The following ATP2B2 variants were observed in gnomAD, a reference collection of about 807,000 sequenced individuals.
The protein encoded by ATP2B2 is plasma membrane calcium-transporting ATPase 2.
A neutral mutation model predicts 120.0 loss-of-function variants in ATP2B2; 15 were observed. The observed-to-expected ratio is 0.12, with a 90% CI of 0.08 to 0.19. ATP2B2 has a LOEUF of 0.19. Ranked by LOEUF, ATP2B2 falls within the 10% of genes least tolerant of loss-of-function variation. The probability of loss-of-function intolerance (pLI) is 1.00; values close to 1 mark genes in which losing one functional copy is unlikely to be tolerated. For missense variants in ATP2B2, 1,045 were observed against 1,719.8 expected (o/e 0.61, Z 6.94); for synonymous variants, 694 against 700.3 (o/e 0.99, Z 0.14).
intron 2 of ATP2B2, among the ~76,000 whole-genome samples, chr3:10,449,065 G>C (rs990857107): frequency 3.3e-5 from 5 of 152,172 alleles, no homozygotes; most frequent in Non-Finnish European, 7.3e-5. Context: ...CTCTGCGGCT[G>C]TGGGGCTCCT....
intron 1 of ATP2B2, among the ~76,000 whole-genome samples, chr3:10,661,429 A>T (rs1390480835): frequency 6.6e-6 from 1 of 152,204 alleles, no homozygotes; most frequent in East Asian, 1.9e-4. Flanking sequence ...ATGCGCAAAA[A>T]TCACAAGCAT....
In ATP2B2 at chr3:10,375,670, G is replaced by A; in HGVS notation, c.1202-26C>T. Reference sequence around the variant, plus strand: ...CTGCAATGTGAGGGACACATGCTTGGGGGGTTCCAGGAAGTGGAGGCTGGG... The same window carrying A: ...CTGCAATGTGAGGGACACATGCTTGAGGGGTTCCAGGAAGTGGAGGCTGGG... On this transcript the variant is annotated intron_variant, in intron 10 of 22. Coordinates refer to ENST00000360273, the MANE Select transcript of ATP2B2 (RefSeq NM_001001331.4). The surrounding 1 kb of genome is among the most constrained non-coding windows in gnomAD (Gnocchi z 4.2). 6.2e-7 allele frequency: 1 copy of A among 1,605,322 alleles called. No homozygotes were observed. The highest frequency in any genetic ancestry group is 8.5e-7 in the Non-Finnish European group (1 of 1,173,160).
At chr3:10,683,740 G>GTA (rs1229351012) in intron 1 of ATP2B2, among the ~76,000 whole-genome samples, 3 of 105,800 alleles carry the variant, frequency 2.8e-5, no homozygotes, top group Non-Finnish European at 5.7e-5. Flanking sequence ...ATATATATGT[G>GTA]TATATATATG....
chr3:10,515,828 C>T (rs989788317), intron 3 of ATP2B2, among the ~76,000 whole-genome samples: 4 of 152,208 alleles, frequency 2.6e-5, no homozygotes, highest in African/African-American at 9.7e-5. Flanking sequence ...CTGTAAAATA[C>T]TTTGCCTATC....
chr3:10,410,738 T>C lies in ATP2B2; in HGVS notation c.277A>G (p.Lys93Glu). Residue 93 changes from lysine (K) to glutamate (E), a missense_variant, in exon 3 of 23, where the codon AAA becomes GAA. By Grantham distance (56) the Lys-to-Glu change is moderately conservative. Transcript: ENST00000360273. Reference protein sequence around the residue: ...GQNFIPPKKPKTFLQLVWEAL... With the variant: ...GQNFIPPKKPETFLQLVWEAL... The stretch of plus-strand genomic sequence containing the variant: ...TCCCACACGAGCTGCAGGAAGGTTT[T>C]TGGCTTCTTTGGAGGTATAAAGTTT... 3 of 1,614,238 alleles carry C rather than the reference T, an allele frequency of 1.9e-6. No homozygotes were observed. The highest frequency in any genetic ancestry group is 2.5e-6 in the Non-Finnish European group (3 of 1,180,038).
intron 2 of ATP2B2, among the ~76,000 whole-genome samples, chr3:10,430,999 A>G (rs527634385): frequency 5.0e-4 from 76 of 151,798 alleles, no homozygotes; most frequent in African/African-American, 1.8e-3. Flanking sequence ...GGGAGAAGGG[A>G]TATAGGACTG....
chr3:10,533,555 C>T (rs1407515522), intron 3 of ATP2B2, among the ~76,000 whole-genome samples: 1 of 152,242 alleles, frequency 6.6e-6, no homozygotes, highest in Non-Finnish European at 1.5e-5. Context: ...TCTCTGTCAG[C>T]ACTTAGCACA....
chr3:10,432,227 G>A (rs1002467292), intron 2 of ATP2B2, among the ~76,000 whole-genome samples: 2 of 152,224 alleles, frequency 1.3e-5, no homozygotes, highest in Non-Finnish European at 2.9e-5. Context: ...GATAATACCG[G>A]AAGGAGATGC....
intron 1 of ATP2B2, among the ~76,000 whole-genome samples, chr3:10,689,737 A>C: frequency 6.6e-6 from 1 of 152,276 alleles, no homozygotes; most frequent in Admixed American, 6.5e-5. Context: ...GTTGCCGGGA[A>C]ACCACTCAGA....
At chr3:10,492,450 T>C (rs2065969802) in intron 1 of ATP2B2, among the ~76,000 whole-genome samples, 1 of 152,032 alleles carries the variant, frequency 6.6e-6, no homozygotes, top group South Asian at 2.1e-4. Context: ...GACAGCTGAG[T>C]GCTCTTCCTC....
At chr3:10,631,992 G>A (rs1016665326) in intron 1 of ATP2B2, among the ~76,000 whole-genome samples, 1 of 152,148 alleles carries the variant, frequency 6.6e-6, no homozygotes, top group Non-Finnish European at 1.5e-5. Context: ...CAGGTCCCGA[G>A]GTCCTCAGCC....
intron 2 of ATP2B2, among the ~76,000 whole-genome samples, chr3:10,609,124 G>A (rs1575553159): frequency 6.6e-6 from 1 of 152,216 alleles, no homozygotes; most frequent in South Asian, 2.1e-4. Context: ...CATAGCCCTG[G>A]CACCAACAGC....
At chr3:10,414,962 C>T (rs1482535207) in intron 2 of ATP2B2, among the ~76,000 whole-genome samples, 2 of 152,146 alleles carry the variant, frequency 1.3e-5, no homozygotes, top group Non-Finnish European at 2.9e-5. Context: ...AGGTGGGAAC[C>T]CTGGGCACTG....
intron 16 of ATP2B2, 41 bp downstream of exon 16, chr3:10,350,071 G>C (rs770503832): frequency 9.1e-5 from 145 of 1,593,736 alleles, no homozygotes; most frequent in Non-Finnish European, 1.8e-5. Flanking sequence ...TTCTGGCCTG[G>C]TGCTGGGCTT....
chr3:10,534,430 T>C (rs1410428464), intron 2 of ATP2B2, among the ~76,000 whole-genome samples: 1 of 152,262 alleles, frequency 6.6e-6, no homozygotes, highest in Non-Finnish European at 1.5e-5. Context: ...GGGCTGCCCC[T>C]TTCACTAACA....
At chr3:10,547,051 C>T (rs865991424) in intron 2 of ATP2B2, among the ~76,000 whole-genome samples, 16 of 152,260 alleles carry the variant, frequency 1.1e-4, no homozygotes, top group Middle Eastern at 3.4e-3. Flanking sequence ...CTCCAGCAGC[C>T]GGGAACTGAG....
intron 3 of ATP2B2, among the ~76,000 whole-genome samples, chr3:10,517,449 G>T (rs2066899163): frequency 6.6e-6 from 1 of 152,198 alleles, no homozygotes; most frequent in African/African-American, 2.4e-5. Flanking sequence ...TAGCCACTGA[G>T]AATTTTCTCT....
chr3:10,701,187 C>T (rs530541958), intron 1 of ATP2B2, among the ~76,000 whole-genome samples: 83 of 152,308 alleles, frequency 5.4e-4, no homozygotes, highest in Non-Finnish European at 9.3e-4. Context: ...TGGCCTCATG[C>T]TCTTATCTAC....
rs2059827500 is a variant in ATP2B2 at position 10,324,293 on chromosome 3, G to T, written c.*4521C>A. 6.6e-6 allele frequency: 1 copy of T among 151,984 alleles called. No individual in the cohort carries two copies. The highest frequency in any genetic ancestry group is 2.4e-5 in the African/African-American group (1 of 41,334). The allele number at this position is 151,984 out of a possible 1,614,324, so 9.4% of individuals were successfully genotyped here. A position where few individuals can be genotyped will look rare whatever the true frequency, so the allele number is the denominator to read the frequency against. ...AAGTGTGGTGACCCCCGAGAGGAAA[G>T]GTCCAGGAGGGAGAGCACCACAGGC... is the stretch of plus-strand genomic sequence containing the variant. On this transcript the variant is annotated 3_prime_UTR_variant, in exon 23 of 23. Transcript: ENST00000360273.
Sources: gnomAD v4.1 joint callset for allele counts (sites outside exome capture counted in the v4.1 genomes callset) on GRCh38, gnomAD v4.1.1 for gene constraint, Gnocchi (gnomAD v3.1) non-coding constraint, MANE v1.5 for transcripts, NCBI Gene and HGNC (gene_info 2026-07-23, HGNC 2026-07-21) for gene names.